OPCML: variants seen among roughly 807,000 people sequenced by gnomAD.
OPCML encodes the protein opioid binding protein/cell adhesion molecule like, also known as opioid-binding protein/cell adhesion molecule.
In OPCML, 13 loss-of-function variants were observed where a neutral mutation model predicts 37.8. The ratio of observed to expected loss-of-function variants is 0.34; its 90% confidence interval spans 0.22 to 0.55. The LOEUF is 0.55. Ranked by LOEUF, OPCML falls within the 20% of genes least tolerant of loss-of-function variation. The probability of loss-of-function intolerance (pLI) is 0.91; values close to 1 mark genes in which losing one functional copy is unlikely to be tolerated. For synonymous variants in OPCML, 176 were observed against 168.8 expected (o/e 1.04, Z -0.33); for missense variants, 341 against 435.6 (o/e 0.78, Z 1.93).
At chr11:133,376,188 C>T (rs574864426) in intron 1 of OPCML, among the ~76,000 whole-genome samples, 1 of 140,954 alleles carries the variant, frequency 7.1e-6, no homozygotes, top group African/African-American at 3.0e-5. Context: ...TAAAAAATTG[C>T]AATACTTTTT....
chr11:132,628,336 A>T (rs924358639), intron 3 of OPCML, among the ~76,000 whole-genome samples: 1 of 152,232 alleles, frequency 6.6e-6, no homozygotes, highest in Non-Finnish European at 1.5e-5. Flanking sequence ...AACTGTATGA[A>T]AAAAGCATTT....
chr11:132,420,672 C>A (rs749515920), intron 7 of OPCML, among the ~76,000 whole-genome samples: 3 of 152,176 alleles, frequency 2.0e-5, no homozygotes, highest in Middle Eastern at 3.4e-3. Context: ...AATGATGAGT[C>A]GGGGGGCACA....
chr11:132,854,439 C>T (rs1209963535), intron 2 of OPCML, among the ~76,000 whole-genome samples: 1 of 152,158 alleles, frequency 6.6e-6, no homozygotes, highest in Non-Finnish European at 1.5e-5. Context: ...CCTCTCCCCT[C>T]CCTCCAGGTT....
intron 1 of OPCML, among the ~76,000 whole-genome samples, chr11:133,053,832 A>G (rs548433488): frequency 1.6e-4 from 25 of 152,022 alleles, no homozygotes; most frequent in African/African-American, 6.0e-4. Flanking sequence ...TCTATTCCCA[A>G]TCCCTCTTCT....
Position 132,824,582 on chromosome 11 carries a change from C to G in OPCML, c.146+118344G>C, listed in dbSNP as rs149343114. 2.1e-4 allele frequency among the ~76,000 whole-genome samples: 32 copies of G among 152,278 alleles called. No individual in the cohort carries two copies. The East Asian group carries it at 5.8e-3, about 28-fold the overall frequency. ...TTCAATCCATCTTCTCTTGAGCACA[C>G]CCCATCATCCCTTCATCTCTGCTTC... On this transcript the variant is annotated intron_variant, in intron 2 of 7. Transcript: ENST00000524381.
chr11:133,127,336 A>G (rs915592858), intron 1 of OPCML, among the ~76,000 whole-genome samples: 3 of 152,102 alleles, frequency 2.0e-5, no homozygotes, highest in Non-Finnish European at 2.9e-5. Context: ...AATGAGTCCA[A>G]AGTCATTTAT....
intron 1 of OPCML, among the ~76,000 whole-genome samples, chr11:133,135,565 G>A (rs757703951): frequency 4.0e-5 from 6 of 151,578 alleles, no homozygotes; most frequent in Admixed American, 6.6e-5. Flanking sequence ...CTGTGTGGGC[G>A]ACCAACAATC....
At chr11:133,354,323 G>GGTGGTGGTGGTGGTGGTGGTGGTA (rs1592227211) in intron 1 of OPCML, among the ~76,000 whole-genome samples, 1 of 77,404 alleles carries the variant, frequency 1.3e-5, no homozygotes, top group East Asian at 4.0e-4. Context: ...TAGTGGTGGT[G>GGTGGTGGTGGTGGTGGTGGTGGTA]GTGGTGATGA....
chr11:132,646,065 G>A (rs1247308073), intron 3 of OPCML, among the ~76,000 whole-genome samples: 1 of 151,982 alleles, frequency 6.6e-6, no homozygotes, highest in African/African-American at 2.4e-5. Context: ...GGAGAAATAA[G>A]AAATAAGAGT....
At chr11:132,977,589 A>T (rs1410771094) in intron 1 of OPCML, among the ~76,000 whole-genome samples, 1 of 152,138 alleles carries the variant, frequency 6.6e-6, no homozygotes, top group African/African-American at 2.4e-5. Flanking sequence ...CTTTGGCAGA[A>T]CCCCTGTCAT....
At chr11:132,723,985 C>T (rs572260717) in intron 2 of OPCML, among the ~76,000 whole-genome samples, 1 of 152,264 alleles carries the variant, frequency 6.6e-6, no homozygotes, top group East Asian at 1.9e-4. Context: ...CTAAGACAGC[C>T]AGACACAGCT....
At chr11:132,448,525 G>A (rs952402221) in intron 4 of OPCML, among the ~76,000 whole-genome samples, 4 of 152,156 alleles carry the variant, frequency 2.6e-5, no homozygotes, top group Non-Finnish European at 5.9e-5. Flanking sequence ...CACTCAAGGG[G>A]CGAAGTCTCC....
intron 7 of OPCML, among the ~76,000 whole-genome samples, chr11:132,428,526 T>C (rs938714356): frequency 4.6e-5 from 7 of 152,178 alleles, no homozygotes; most frequent in African/African-American, 1.7e-4. Context: ...GCTTTACATA[T>C]GGGGCATCAT....
At chr11:132,637,845 G>C (rs1481393399) in intron 3 of OPCML, among the ~76,000 whole-genome samples, 1 of 151,990 alleles carries the variant, frequency 6.6e-6, no homozygotes, top group Non-Finnish European at 1.5e-5. Flanking sequence ...TCAGAGCCAG[G>C]CTCTTCTGGG....
At chr11:132,841,453 A>C (rs1941282883) in intron 2 of OPCML, among the ~76,000 whole-genome samples, 3 of 152,188 alleles carry the variant, frequency 2.0e-5, no homozygotes, top group Non-Finnish European at 4.4e-5. Context: ...GGGGGGTTAA[A>C]AATGAGATTC....
chr11:133,401,370 A>G (rs184104332), intron 1 of OPCML, among the ~76,000 whole-genome samples: 1 of 152,300 alleles, frequency 6.6e-6, no homozygotes, highest in African/African-American at 2.4e-5. Context: ...ATATTTTACA[A>G]TTTGCAAAAC....
intron 4 of OPCML, among the ~76,000 whole-genome samples, chr11:132,475,806 A>G (rs2096153303): frequency 6.6e-6 from 1 of 152,248 alleles, no homozygotes; most frequent in African/African-American, 2.4e-5. Flanking sequence ...TGTAACATGC[A>G]GTATTTTGCC....
rs145619041 is a variant in OPCML, at chr11:133,352,647, C to T, written c.61+179617G>A. Among the ~76,000 whole-genome samples the T allele has an allele frequency of 3.3e-5, 5 of 152,256 alleles. No individual in the cohort carries two copies. The East Asian group carries it at 9.6e-4, about 29-fold the overall frequency. ...TGCTATATCCTTGTACTTACTACAG[C>T]GTATGGTGTAGTAGATGCTTAAAAA... is the stretch of plus-strand genomic sequence containing the variant. On this transcript the variant is annotated intron_variant, in intron 1 of 7. Coordinates refer to ENST00000524381, the MANE Select transcript of OPCML (RefSeq NM_001012393.5).
At chr11:133,335,759 G>A (rs1422116274) in intron 1 of OPCML, among the ~76,000 whole-genome samples, 1 of 152,134 alleles carries the variant, frequency 6.6e-6, no homozygotes, top group Non-Finnish European at 1.5e-5. Flanking sequence ...TGACCCAGCT[G>A]TATGGATTAA....
Sources: allele counts gnomAD v4.1 joint callset (sites outside exome capture counted in the v4.1 genomes callset), GRCh38; gene constraint gnomAD v4.1.1; transcripts MANE v1.5; gene names NCBI Gene and HGNC (gene_info 2026-07-23, HGNC 2026-07-21).